GRID2: variants seen among roughly 807,000 people sequenced by gnomAD.
GRID2 encodes the protein glutamate receptor ionotropic, delta-2.
GRID2 carries 33 observed loss-of-function variants against 114.8 expected under a neutral mutation model. The observed-to-expected ratio is 0.29, with a 90% confidence interval of 0.22 to 0.38. GRID2 has a LOEUF of 0.38. Ranked by LOEUF, GRID2 falls within the 10% of genes least tolerant of loss-of-function variation. The pLI is 1.00. For missense variants in GRID2, 1,184 were observed against 1,257.7 expected, an observed-to-expected ratio of 0.94 and a Z score of 0.89; for synonymous variants, 505 against 449.9, an observed-to-expected ratio of 1.12 and a Z score of -1.55.
At chr4:93,078,933 A>G (rs980863593) in intron 2 of GRID2, among the ~76,000 whole-genome samples, 1 of 147,582 alleles carries the variant, frequency 6.8e-6, no homozygotes, top group Non-Finnish European at 1.5e-5. Flanking sequence ...TAAATTTTAT[A>G]AAACTTATGA....
chr4:92,862,211 CT>C (rs1168171022), intron 2 of GRID2, among the ~76,000 whole-genome samples: 1 of 152,020 alleles, frequency 6.6e-6, no homozygotes, highest in Non-Finnish European at 1.5e-5. Flanking sequence ...ACAAAGCTAT[CT>C]GTAATTTTCA....
At chr4:92,792,286 C>G (rs927106106) in intron 2 of GRID2, among the ~76,000 whole-genome samples, 2 of 151,752 alleles carry the variant, frequency 1.3e-5, no homozygotes, top group Admixed American at 1.3e-4. Flanking sequence ...CATAAGGTCA[C>G]GTGAAGTTCA....
At chr4:92,512,391 G>C (rs1204249376) in intron 1 of GRID2, among the ~76,000 whole-genome samples, 1 of 151,558 alleles carries the variant, frequency 6.6e-6, no homozygotes, top group Non-Finnish European at 1.5e-5. Context: ...AATTCTTTTG[G>C]ATATATACGA....
intron 2 of GRID2, among the ~76,000 whole-genome samples, chr4:92,811,519 A>G (rs1740661923): frequency 6.6e-6 from 1 of 152,086 alleles, no homozygotes; most frequent in South Asian, 2.1e-4. Flanking sequence ...CAAATCAGTC[A>G]TTAACCCCCA....
chr4:93,678,841 C>T (rs1725197043), intron 14 of GRID2, among the ~76,000 whole-genome samples: 1 of 151,068 alleles, frequency 6.6e-6, no homozygotes, highest in East Asian at 1.9e-4. Context: ...ATGTAAAGAC[C>T]ATCGAGACTA....
chr4:93,015,837 T>C (rs531675284), intron 2 of GRID2, among the ~76,000 whole-genome samples: 2 of 150,902 alleles, frequency 1.3e-5, no homozygotes, highest in African/African-American at 4.9e-5. Flanking sequence ...ACTAGATCAG[T>C]GTTTCTTATA....
intron 2 of GRID2, among the ~76,000 whole-genome samples, chr4:92,711,622 G>A (rs1735255028): frequency 6.6e-6 from 1 of 152,144 alleles, no homozygotes. Context: ...GTTCATGTAG[G>A]CCTGATGGGG....
At chr4:92,335,911 A>G (rs1000017933) in intron 1 of GRID2, among the ~76,000 whole-genome samples, 1 of 152,322 alleles carries the variant, frequency 6.6e-6, no homozygotes, top group African/African-American at 2.4e-5. Flanking sequence ...CCATGGAAGG[A>G]AAGTCACTGT....
chr4:93,162,757 TAGAA>T (rs1737803512), intron 4 of GRID2, among the ~76,000 whole-genome samples: 1 of 151,898 alleles, frequency 6.6e-6, no homozygotes, highest in Admixed American at 6.6e-5. Context: ...TACCAATAAT[TAGAA>T]AGAAGCAAGA....
intron 13 of GRID2, among the ~76,000 whole-genome samples, chr4:93,520,446 G>C (rs1328704338): frequency 6.6e-6 from 1 of 152,126 alleles, no homozygotes; most frequent in African/African-American, 2.4e-5. Flanking sequence ...AAGAGGACAG[G>C]GGGTGAACCA....
At chr4:93,294,228 G>A (rs1754048215) in intron 8 of GRID2, among the ~76,000 whole-genome samples, 1 of 152,124 alleles carries the variant, frequency 6.6e-6, no homozygotes, top group Non-Finnish European at 1.5e-5. Flanking sequence ...AAAGATGAGT[G>A]TGGTTGTGTC....
At chr4:93,087,074 G>T (rs1730394220) in intron 3 of GRID2, among the ~76,000 whole-genome samples, 1 of 151,026 alleles carries the variant, frequency 6.6e-6, no homozygotes, top group Admixed American at 6.6e-5. Context: ...TTCCTCTGTT[G>T]CCCAGGCTGG....
intron 12 of GRID2, among the ~76,000 whole-genome samples, chr4:93,505,390 A>G (rs1728530375): frequency 6.6e-6 from 1 of 151,862 alleles, no homozygotes; most frequent in African/African-American, 2.4e-5. Flanking sequence ...ATCAGCAGTA[A>G]CATTGTAAAA....
rs145313047 is a variant in GRID2 at position 92,880,807 on chromosome 4, T to C, written c.245-204188T>C. ...CGCTATCTTGGCTGGCTACAACCTC[T>C]GCCTCCCGGGTTCAAGTGATTCTAC... On this transcript the variant is annotated intron_variant, in intron 2 of 15. Coordinates refer to ENST00000282020, the MANE Select transcript of GRID2 (RefSeq NM_001510.4). 5.4e-3 allele frequency among the ~76,000 whole-genome samples: 819 copies of C among 152,220 alleles called. 2 individuals are homozygous for C. The highest frequency in any genetic ancestry group is 0.019 in the African/African-American group (784 of 41,552).
chr4:92,923,771 C>A (rs1187325766), intron 2 of GRID2, among the ~76,000 whole-genome samples: 13 of 152,112 alleles, frequency 8.5e-5, no homozygotes, highest in Admixed American at 7.9e-4. Context: ...AGTAGCAATA[C>A]AGAGACTGCG....
At chr4:93,226,974 A>G (rs1231071424) in intron 7 of GRID2, among the ~76,000 whole-genome samples, 1 of 152,216 alleles carries the variant, frequency 6.6e-6, no homozygotes, top group Non-Finnish European at 1.5e-5. Context: ...GGGCAGGTGA[A>G]GAATGTTACA....
At chr4:92,538,236 C>T (rs1725751453) in intron 1 of GRID2, among the ~76,000 whole-genome samples, 1 of 152,128 alleles carries the variant, frequency 6.6e-6, no homozygotes, top group South Asian at 2.1e-4. Context: ...GCCTGTAGGA[C>T]TTTATATTCA....
rs181354115 is a variant in GRID2 at position 93,463,028 on chromosome 4, G to A, written c.1858+7054G>A. On this transcript the variant is annotated intron_variant, in intron 11 of 15. Transcript: ENST00000282020. ...AACAGCTCTCCATAATTTTTATTTA[G>A]GCTCAAACAACATCTCTGTTGTTGT... 6.6e-5 allele frequency among the ~76,000 whole-genome samples: 10 copies of A among 152,144 alleles called. No individual in the cohort carries two copies. In the East Asian group the frequency reaches 1.5e-3, roughly 24 times the overall value.
chr4:92,852,026 G>T (rs1181385157), intron 2 of GRID2, among the ~76,000 whole-genome samples: 3 of 151,776 alleles, frequency 2.0e-5, no homozygotes, highest in Non-Finnish European at 4.4e-5. Flanking sequence ...GTGCAGAAGG[G>T]GAAGAAGCAG....
Sources: allele counts gnomAD v4.1 joint callset (sites outside exome capture counted in the v4.1 genomes callset), GRCh38; gene constraint gnomAD v4.1.1; transcripts MANE v1.5; gene names NCBI Gene and HGNC (gene_info 2026-07-23, HGNC 2026-07-21).